Variants in RIMS2 observed in about 807,000 individuals in gnomAD.
RIMS2 encodes the protein regulating synaptic membrane exocytosis 2.
In RIMS2, 59 loss-of-function variants were observed where a neutral mutation model predicts 174.4. That is an observed-to-expected ratio of 0.34 (90% CI 0.27 to 0.42). The LOEUF (loss-of-function observed/expected upper bound fraction) is 0.42. Ranked by LOEUF, RIMS2 falls within the 10% of genes least tolerant of loss-of-function variation. The pLI, the probability that RIMS2 is intolerant of heterozygous loss-of-function variation, is 1.00. For synonymous variants in RIMS2, 606 were observed against 572.5 expected (o/e 1.06, Z -0.84); for missense variants, 1,620 against 1,666.3 (o/e 0.97, Z 0.48).
intron 1 of RIMS2, among the ~76,000 whole-genome samples, chr8:103,520,943 G>A (rs1831357057): frequency 6.6e-6 from 1 of 151,708 alleles, no homozygotes; most frequent in Admixed American, 6.6e-5. Context: ...TTTTATCCTT[G>A]CGATAGTTTG....
intron 1 of RIMS2, among the ~76,000 whole-genome samples, chr8:103,677,259 A>T (rs887307035): frequency 1.6e-4 from 25 of 152,162 alleles, no homozygotes; most frequent in Non-Finnish European, 3.1e-4. Flanking sequence ...GTGTGTAAAA[A>T]AAAAAGAAAC....
chr8:104,204,432 A>ATT (rs1269903768), intron 19 of RIMS2, among the ~76,000 whole-genome samples: 2 of 151,820 alleles, frequency 1.3e-5, no homozygotes, highest in African/African-American at 4.8e-5. Flanking sequence ...TGATGCTGTT[A>ATT]TTTTAGTGTG....
chr8:103,626,848 A>C (rs963187589), intron 1 of RIMS2, among the ~76,000 whole-genome samples: 1 of 152,120 alleles, frequency 6.6e-6, no homozygotes, highest in African/African-American at 2.4e-5. Flanking sequence ...TACAAACAGG[A>C]AGTAGGTCAC....
At chr8:103,582,721 G>A (rs2132893393) in intron 1 of RIMS2, among the ~76,000 whole-genome samples, 1 of 152,300 alleles carries the variant, frequency 6.6e-6, no homozygotes, top group South Asian at 2.1e-4. Context: ...GAGGAGGGAA[G>A]AGTGGAAAGG....
chr8:103,540,661 G>A (rs1391278937), intron 1 of RIMS2, among the ~76,000 whole-genome samples: 1 of 152,114 alleles, frequency 6.6e-6, no homozygotes, highest in Non-Finnish European at 1.5e-5. Flanking sequence ...ACTAACTAAT[G>A]CCAAATAAAT....
chr8:104,039,715 T>C, intron 19 of RIMS2, among the ~76,000 whole-genome samples: 1 of 151,736 alleles, frequency 6.6e-6, no homozygotes, highest in African/African-American at 2.4e-5. Flanking sequence ...CATACGAAAG[T>C]CGGCATTTGC....
At chr8:103,753,455 G>T (rs1382247891) in intron 2 of RIMS2, among the ~76,000 whole-genome samples, 1 of 152,186 alleles carries the variant, frequency 6.6e-6, no homozygotes, top group African/African-American at 2.4e-5. Flanking sequence ...CTCATAAAAT[G>T]AGTTAGGGGG....
At chr8:104,200,221 TAGAG>T (rs890010770) in intron 19 of RIMS2, among the ~76,000 whole-genome samples, 6 of 152,002 alleles carry the variant, frequency 3.9e-5, no homozygotes, top group African/African-American at 1.4e-4. Context: ...GAGTAGCAAA[TAGAG>T]AGACTTAGTT....
At chr8:103,517,719 A>G (rs1829659199) in intron 1 of RIMS2, among the ~76,000 whole-genome samples, 1 of 152,040 alleles carries the variant, frequency 6.6e-6, no homozygotes, top group African/African-American at 2.4e-5. Context: ...GGTGGAGGCA[A>G]TGGAAGGCTG....
chr8:103,931,455 G>T, intron 12 of RIMS2, 62 bp downstream of exon 14: 1 of 1,169,698 alleles, frequency 8.5e-7, no homozygotes. Flanking sequence ...CATAGCAATG[G>T]GTATTTCAAT....
intron 1 of RIMS2, among the ~76,000 whole-genome samples, chr8:103,558,006 A>G (rs2090824141): frequency 6.6e-6 from 1 of 152,190 alleles, no homozygotes; most frequent in African/African-American, 2.4e-5. Flanking sequence ...CTTCAGTTGT[A>G]AAAATTTCTG....
intron 13 of RIMS2, among the ~76,000 whole-genome samples, chr8:103,941,231 C>T (rs996334579): frequency 1.3e-5 from 2 of 151,820 alleles, no homozygotes; most frequent in Non-Finnish European, 2.9e-5. Flanking sequence ...CTTGTAATAC[C>T]AATCCTTTGG....
At chr8:103,685,817 G>T (rs1454471489) in intron 1 of RIMS2, among the ~76,000 whole-genome samples, 1 of 152,054 alleles carries the variant, frequency 6.6e-6, no homozygotes, top group Non-Finnish European at 1.5e-5. Context: ...CCAGGATTTT[G>T]TTTTTCACAT....
intron 3 of RIMS2, among the ~76,000 whole-genome samples, chr8:103,772,151 T>C (rs2098260623): frequency 6.6e-6 from 1 of 151,984 alleles, no homozygotes; most frequent in South Asian, 2.1e-4. Context: ...AATGGAATAA[T>C]AGTGCCTGGA....
In RIMS2 at chr8:103,936,591, T is replaced by C. The variant is rs542037196; in HGVS notation, c.2416T>C (p.Leu806=). 56 of 1,600,610 alleles carry C rather than the reference T, an allele frequency of 3.5e-5. No homozygotes were observed. Among genetic ancestry groups the C allele is most frequent in the Admixed American group, 1.2e-4 (7 of 57,792 alleles). Residue 806 remains leucine (L), a synonymous_variant, in exon 13 of 24, where the codon TTG becomes CTG. Coordinates refer to ENST00000504942, the Ensembl canonical transcript of RIMS2. ...AAGAACTAAAACAGTAAAGAAAACATTGGAACCCAAATGGAACCAAACATT... is the reference window on the plus strand; with the variant it reads ...AAGAACTAAAACAGTAAAGAAAACACTGGAACCCAAATGGAACCAAACATT...
chr8:104,051,043 A>G (rs1347515560), intron 19 of RIMS2, among the ~76,000 whole-genome samples: 1 of 151,994 alleles, frequency 6.6e-6, no homozygotes, highest in Non-Finnish European at 1.5e-5. Flanking sequence ...TTGAGACCAG[A>G]CTGGACAACA....
chr8:104,198,578 C>T (rs2099037552), intron 19 of RIMS2, among the ~76,000 whole-genome samples: 1 of 152,194 alleles, frequency 6.6e-6, no homozygotes, highest in Admixed American at 6.5e-5. Flanking sequence ...ATGTTTTTCT[C>T]CTGCCAATCC....
At chr8:103,851,644 T>TACACACACAC (rs10529078) in intron 3 of RIMS2, among the ~76,000 whole-genome samples, 3 of 136,530 alleles carry the variant, frequency 2.2e-5, no homozygotes, top group East Asian at 2.3e-4. Flanking sequence ...GAATGCTATG[T>TACACACACAC]ACACACACAC....
At chr8:103,760,782 A>G (rs28638005) in intron 2 of RIMS2, among the ~76,000 whole-genome samples, 34,959 of 152,152 alleles carry the variant, frequency 0.23, 4,305 homozygotes, top group Non-Finnish European at 0.25. Flanking sequence ...AGTACACTTT[A>G]TACTCTGTAG....
Sources: allele counts gnomAD v4.1 joint callset (sites outside exome capture counted in the v4.1 genomes callset), GRCh38; gene constraint gnomAD v4.1.1; transcripts MANE v1.5; gene names NCBI Gene and HGNC (gene_info 2026-07-23, HGNC 2026-07-21).